The following FANCL variants were observed in gnomAD, a reference collection of about 807,000 sequenced individuals.
The protein encoded by FANCL is E3 ubiquitin-protein ligase FANCL.
In FANCL, 69 loss-of-function variants were observed where a neutral mutation model predicts 59.4. The observed-to-expected ratio is 1.16, with a 90% CI of 0.96 to 1.42. The LOEUF is 1.42. Ranked by LOEUF, FANCL falls within the 40% of genes most tolerant of loss-of-function variation. FANCL has a pLI of 0.00. For missense variants in FANCL, 519 were observed against 447.2 expected (o/e 1.16, Z -1.45); for synonymous variants, 180 against 147.1 (o/e 1.22, Z -1.62).
rs373854636 is a variant in FANCL, at chr2:58,160,090, G to T, written c.1092+18C>A. 25 of 1,610,406 alleles carry T rather than the reference G, an allele frequency of 1.6e-5. No individual in the cohort carries two copies. The highest frequency in any genetic ancestry group is 1.7e-4 in the Middle Eastern group (1 of 5,976). On this transcript the variant is annotated intron_variant, in intron 13 of 13. Coordinates refer to ENST00000233741, the MANE Select transcript of FANCL (RefSeq NM_018062.4). The stretch of plus-strand genomic sequence containing the variant: ...AAGCTAGGCACATTTTATGAGATGT[G>T]ATTAACAATTTGCTTACCTTACTAC...
intron 8 of FANCL, 88 bp from the exon 9 acceptor site, chr2:58,163,605 C>T: frequency 3.7e-6 from 3 of 802,304 alleles, no homozygotes; most frequent in South Asian, 2.9e-5. Flanking sequence ...GTCTGGCTAC[C>T]TATTTCACTG....
chr2:58,176,361 G>A lies in FANCL; in HGVS notation c.541-10487C>T, dbSNP rs572005576. Among the ~76,000 whole-genome samples, 787 of 151,746 alleles carry A rather than the reference G, an allele frequency of 5.2e-3. 9 individuals are homozygous for A. Among genetic ancestry groups the A allele is most frequent in the African/African-American group, 0.017 (721 of 41,380 alleles). On this transcript the variant is annotated intron_variant, in intron 7 of 13. Transcript: ENST00000233741. ...AAAAGAACAAAGCTGGAGGCATCAC[G>A]CTACCTGACTTCAAACTATACTACA... is the stretch of plus-strand genomic sequence containing the variant.
chr2:58,229,348 T>C (rs1003904473), intron 3 of FANCL, among the ~76,000 whole-genome samples: 1 of 152,164 alleles, frequency 6.6e-6, no homozygotes, highest in African/African-American at 2.4e-5. Context: ...AAGAAATTAA[T>C]CCTGCCTATT....
intron 5 of FANCL, among the ~76,000 whole-genome samples, chr2:58,206,084 G>A (rs1460438931): frequency 1.3e-5 from 2 of 151,934 alleles, no homozygotes; most frequent in African/African-American, 4.8e-5. Flanking sequence ...ACAAAAATTG[G>A]GAAGTAGAAA....
In FANCL at chr2:58,177,767, AACTT is replaced by A. The variant is rs1430624122; in HGVS notation, c.541-11897_541-11894del. Among the ~76,000 whole-genome samples, 4 of 151,734 alleles carry A rather than the reference AACTT, an allele frequency of 2.6e-5. No individual in the cohort carries two copies. The East Asian group carries it at 5.8e-4, about 22-fold the overall frequency. On this transcript the variant is annotated intron_variant, in intron 7 of 13. Transcript: ENST00000233741. ...TGCACATTGTGCACATGTACACTAA[AACTT>A]AATAATAAAATAAAAAAGATTAAAA...
At chr2:58,223,197 T>C (rs192991624) in intron 4 of FANCL, among the ~76,000 whole-genome samples, 2 of 150,026 alleles carry the variant, frequency 1.3e-5, no homozygotes, top group Non-Finnish European at 3.0e-5. Flanking sequence ...TCAATATGGA[T>C]TTAATTAGAG....
At chr2:58,178,002 A>C (rs1687532503) in intron 7 of FANCL, among the ~76,000 whole-genome samples, 1 of 152,082 alleles carries the variant, frequency 6.6e-6, no homozygotes, top group African/African-American at 2.4e-5. Flanking sequence ...GAAGTGGATA[A>C]ATTCCTGGAC....
At position 58,217,203 on chromosome 2, in the gene FANCL, TATATATATATATACACACACACAC is replaced by T. The variant is rs1278351709; in HGVS notation, c.374+4715_374+4738del. 5.2e-3 allele frequency among the ~76,000 whole-genome samples: 45 copies of T among 8,728 alleles called. 1 individual carries two copies. Among genetic ancestry groups the T allele is most frequent in the African/African-American group, 0.014 (37 of 2,714 alleles). 5.7% of individuals were successfully genotyped at this position (8,728 alleles called of 152,430 possible). On this transcript the variant is annotated intron_variant, in intron 5 of 13. Coordinates refer to ENST00000233741, the MANE Select transcript of FANCL (RefSeq NM_018062.4). The stretch of plus-strand genomic sequence containing the variant: ...ATATATATATATATATATATATATA[TATATATATATATACACACACACAC>T]ACACACACACACACACATATATATG...
intron 5 of FANCL, among the ~76,000 whole-genome samples, chr2:58,204,746 C>A (rs977220342): frequency 6.6e-6 from 1 of 152,016 alleles, no homozygotes; most frequent in Non-Finnish European, 1.5e-5. Context: ...TGTATAAGCA[C>A]AGGTACAGCC....
rs527467999 is a variant in FANCL, at chr2:58,180,124, G to A, written c.541-14250C>T. ...TAGGAATGCTTTGACACTGTTGGTCGAAGTGTAAATTAGTTCAACCATTGT... is the reference window on the plus strand; with the variant it reads ...TAGGAATGCTTTGACACTGTTGGTCAAAGTGTAAATTAGTTCAACCATTGT... On this transcript the variant is annotated intron_variant, in intron 7 of 13. Coordinates refer to ENST00000233741, the MANE Select transcript of FANCL (RefSeq NM_018062.4). 8.5e-5 allele frequency among the ~76,000 whole-genome samples: 13 copies of A among 152,264 alleles called. No individual in the cohort carries two copies. In the East Asian group the frequency reaches 1.4e-3, roughly 16 times the overall value.
chr2:58,241,361 C>T (rs1412462415), upstream of FANCL: 5 of 1,578,014 alleles, frequency 3.2e-6, no homozygotes, highest in Admixed American at 3.4e-5. Flanking sequence ...CTGCTGGGTC[C>T]TGCACATGCG....
chr2:58,162,838 G>A lies in FANCL; in HGVS notation c.903+28C>T, dbSNP rs555757548. On this transcript the variant is annotated intron_variant, in intron 11 of 13. Coordinates refer to ENST00000233741, the MANE Select transcript of FANCL (RefSeq NM_018062.4). ...TAAACTTCATTATGCAATACTGTCT[G>A]GAATATCAAAACACTGATAAAACTT... is the stretch of plus-strand genomic sequence containing the variant. 115 of 1,575,998 alleles carry A rather than the reference G, an allele frequency of 7.3e-5. 1 individual carries two copies. The South Asian group carries it at 1.2e-3, about 17-fold the overall frequency.
At chr2:58,197,374 G>C (rs78812734) in intron 7 of FANCL, among the ~76,000 whole-genome samples, 1,541 of 151,964 alleles carry the variant, frequency 0.01, 23 homozygotes, top group African/African-American at 0.034. Context: ...TAGCCAAAAT[G>C]AGTAGCCTCC....
intron 5 of FANCL, among the ~76,000 whole-genome samples, chr2:58,219,171 A>AAAAAAAAAAAAAATATAT (rs1558810201): frequency 5.2e-5 from 1 of 19,262 alleles, no homozygotes. Flanking sequence ...AAAAAAAAAA[A>AAAAAAAAAAAAAATATAT]ATATATATAT....
chr2:58,214,623 C>T (rs1479583228), intron 5 of FANCL, among the ~76,000 whole-genome samples: 4 of 152,116 alleles, frequency 2.6e-5, no homozygotes, highest in Admixed American at 6.6e-5. Flanking sequence ...GATCCTCCCA[C>T]CTCAGCCTCC....
At chr2:58,218,106 A>T (rs1426338035) in intron 5 of FANCL, among the ~76,000 whole-genome samples, 1 of 152,102 alleles carries the variant, frequency 6.6e-6, no homozygotes, top group Non-Finnish European at 1.5e-5. Flanking sequence ...TCACAATGAA[A>T]ATTAATATTT....
chr2:58,177,591 T>C (rs1031912232), intron 7 of FANCL, among the ~76,000 whole-genome samples: 3 of 117,310 alleles, frequency 2.6e-5, no homozygotes, highest in African/African-American at 1.0e-4. Flanking sequence ...TGAGAACACA[T>C]GGACACAGGA....
At chr2:58,166,252 T>C (rs1433951894) in intron 7 of FANCL, among the ~76,000 whole-genome samples, 1 of 152,182 alleles carries the variant, frequency 6.6e-6, no homozygotes, top group Non-Finnish European at 1.5e-5. Flanking sequence ...TATAATATTT[T>C]AGTATGAAAA....
intron 5 of FANCL, among the ~76,000 whole-genome samples, chr2:58,214,617 C>T (rs968283817): frequency 1.3e-5 from 2 of 152,110 alleles, no homozygotes; most frequent in African/African-American, 4.8e-5. Flanking sequence ...TCAAGTGATC[C>T]TCCCACCTCA....
Sources: allele counts gnomAD v4.1 joint callset (sites outside exome capture counted in the v4.1 genomes callset), GRCh38; gene constraint gnomAD v4.1.1; transcripts MANE v1.5; gene names NCBI Gene and HGNC (gene_info 2026-07-23, HGNC 2026-07-21).